LRRC4C: variants seen among roughly 807,000 people sequenced by gnomAD.
The protein encoded by LRRC4C is leucine-rich repeat-containing protein 4C.
LRRC4C carries 5 observed loss-of-function variants against 33.6 expected under a neutral mutation model. That is an observed-to-expected ratio of 0.15 (90% confidence interval 0.08 to 0.31). The LOEUF (loss-of-function observed/expected upper bound fraction) is 0.31. Among genes scored for constraint, LRRC4C ranks in the 10% least tolerant of loss-of-function variants. The pLI is 1.00. For missense variants in LRRC4C, 560 were observed against 796.7 expected, an observed-to-expected ratio of 0.70 and a Z score of 3.58; for synonymous variants, 329 against 302.0, an observed-to-expected ratio of 1.09 and a Z score of -0.93.
At position 40,423,704 on chromosome 11, in the gene LRRC4C, T is replaced by C. The variant is rs1050409649; in HGVS notation, c.-269-103983A>G. Among the ~76,000 whole-genome samples, 4 of 152,206 alleles carry C rather than the reference T, an allele frequency of 2.6e-5. No homozygotes were observed. The South Asian group carries it at 8.3e-4, about 31-fold the overall frequency. ...CATGTCCTCACATAGGTTTTCACTG[T>C]TTCCCTTTTGTCTTGCTTGTTTAGG... On this transcript the variant is annotated intron_variant, in intron 3 of 6. Transcript: ENST00000528697.
chr11:40,145,193 G>A (rs1003443150), intron 5 of LRRC4C, among the ~76,000 whole-genome samples: 12 of 152,078 alleles, frequency 7.9e-5, no homozygotes, highest in African/African-American at 2.9e-4. Context: ...ATAGAAAAAA[G>A]CAACTAAAGC....
chr11:40,969,272 G>A (rs969268629), intron 1 of LRRC4C, among the ~76,000 whole-genome samples: 5 of 127,294 alleles, frequency 3.9e-5, no homozygotes, highest in South Asian at 5.1e-4. Flanking sequence ...TGGTTAGGGA[G>A]TTGTTTCTTA....
intron 3 of LRRC4C, among the ~76,000 whole-genome samples, chr11:40,326,584 C>T (rs1400778490): frequency 6.6e-6 from 1 of 151,546 alleles, no homozygotes; most frequent in Admixed American, 6.6e-5. Flanking sequence ...AGTCTACATG[C>T]CTGTGTGTTG....
At chr11:40,522,150 G>A (rs1348575992) in intron 3 of LRRC4C, among the ~76,000 whole-genome samples, 2 of 152,146 alleles carry the variant, frequency 1.3e-5, no homozygotes, top group Non-Finnish European at 2.9e-5. Flanking sequence ...AGCCTCCCAA[G>A]TAGCTTGGGA....
chr11:40,547,667 T>C (rs1300286288), intron 3 of LRRC4C, among the ~76,000 whole-genome samples: 2 of 152,092 alleles, frequency 1.3e-5, no homozygotes, highest in African/African-American at 4.8e-5. Context: ...TCTACCTGAA[T>C]AACACAATGA....
chr11:41,453,684 G>A (rs1461459366), intron 1 of LRRC4C, among the ~76,000 whole-genome samples: 2 of 151,914 alleles, frequency 1.3e-5, no homozygotes, highest in Admixed American at 1.3e-4. Flanking sequence ...GTGTATGTGT[G>A]TTTGTATGTG....
intron 1 of LRRC4C, among the ~76,000 whole-genome samples, chr11:41,215,257 G>A (rs1947008234): frequency 1.3e-5 from 2 of 151,628 alleles, no homozygotes; most frequent in African/African-American, 4.8e-5. Flanking sequence ...GGAGGCCAAG[G>A]TGGGTGGATC....
At chr11:40,829,316 C>T (rs1460193077) in intron 2 of LRRC4C, among the ~76,000 whole-genome samples, 1 of 151,984 alleles carries the variant, frequency 6.6e-6, no homozygotes. Context: ...ACAGTATGGA[C>T]ACATAACCAT....
intron 5 of LRRC4C, among the ~76,000 whole-genome samples, chr11:40,219,540 C>T (rs778527853): frequency 1.3e-5 from 2 of 152,230 alleles, no homozygotes; most frequent in Non-Finnish European, 1.5e-5. Context: ...GAAACATAAC[C>T]ATTCATTATT....
intron 4 of LRRC4C, among the ~76,000 whole-genome samples, chr11:40,275,513 T>G (rs551856738): frequency 6.6e-6 from 1 of 152,220 alleles, no homozygotes; most frequent in South Asian, 2.1e-4. Context: ...GTTGCTTTGA[T>G]GAGGGAGCTC....
At chr11:41,060,995 C>G (rs182111789) in intron 1 of LRRC4C, among the ~76,000 whole-genome samples, 15 of 152,186 alleles carry the variant, frequency 9.9e-5, no homozygotes, top group Admixed American at 5.9e-4. Flanking sequence ...TCCCCTCCCC[C>G]CTCCACACAG....
chr11:40,446,745 GGA>G (rs981019232), intron 3 of LRRC4C: 2 of 152,254 alleles, frequency 1.3e-5, no homozygotes, highest in African/African-American at 4.8e-5. Context: ...CTTACAAGCA[GGA>G]GAGAGAATGA....
At chr11:40,246,244 G>A (rs1021951437) in intron 4 of LRRC4C, among the ~76,000 whole-genome samples, 2 of 152,008 alleles carry the variant, frequency 1.3e-5, no homozygotes, top group African/African-American at 2.4e-5. Context: ...AAAGTGCTGC[G>A]ATTACAGGCA....
At chr11:40,442,771 T>C (rs1951454248) in intron 3 of LRRC4C, among the ~76,000 whole-genome samples, 1 of 152,224 alleles carries the variant, frequency 6.6e-6, no homozygotes. Flanking sequence ...GTTCCACTGA[T>C]AACTCACTGT....
chr11:40,806,792 A>G (rs1023396721), intron 2 of LRRC4C, among the ~76,000 whole-genome samples: 1 of 152,200 alleles, frequency 6.6e-6, no homozygotes, highest in Non-Finnish European at 1.5e-5. Flanking sequence ...AGAATCTATC[A>G]GTATTTCTCA....
intron 3 of LRRC4C, among the ~76,000 whole-genome samples, chr11:40,533,787 C>T (rs1053053072): frequency 2.0e-5 from 3 of 152,094 alleles, no homozygotes; most frequent in Admixed American, 1.3e-4. Flanking sequence ...TTGGAAGAAG[C>T]ATAAGTTGAG....
chr11:41,179,880 C>T (rs1291644822), intron 1 of LRRC4C, among the ~76,000 whole-genome samples: 1 of 21,494 alleles, frequency 4.7e-5, no homozygotes, highest in Non-Finnish European at 2.3e-4. Flanking sequence ...AAAACACAGG[C>T]AGGTTTTCTT....
intron 1 of LRRC4C, among the ~76,000 whole-genome samples, chr11:41,150,783 TAAATAAATAAAATA>T (rs1227646182): frequency 5.4e-5 from 4 of 73,856 alleles, no homozygotes; most frequent in East Asian, 8.8e-4. Flanking sequence ...AATAAATAAA[TAAATAAATAAAATA>T]AAATAAAATA....
At chr11:40,228,219 A>G (rs2135982971) in intron 5 of LRRC4C, among the ~76,000 whole-genome samples, 1 of 152,330 alleles carries the variant, frequency 6.6e-6, no homozygotes, top group South Asian at 2.1e-4. Flanking sequence ...TCAACTAAGC[A>G]ATGTCAGAAA....
Sources: gnomAD v4.1 joint callset for allele counts (sites outside exome capture counted in the v4.1 genomes callset) on GRCh38, gnomAD v4.1.1 for gene constraint, MANE v1.5 for transcripts, NCBI Gene and HGNC (gene_info 2026-07-23, HGNC 2026-07-21) for gene names.